CEP43: variants seen among roughly 807,000 people sequenced by gnomAD.
The protein encoded by CEP43 is centrosomal protein 43.
A neutral mutation model predicts 52.6 loss-of-function variants in CEP43; 36 were observed. That is an observed-to-expected ratio of 0.68 (90% CI 0.52 to 0.90). CEP43 has a LOEUF of 0.90. Ranked by LOEUF, CEP43 falls within the 40% of genes least tolerant of loss-of-function variation. The pLI, the probability that CEP43 is intolerant of heterozygous loss-of-function variation, is 0.00. For synonymous variants in CEP43, 192 were observed against 172.4 expected (o/e 1.11, Z -0.89); for missense variants, 506 against 472.8 (o/e 1.07, Z -0.65).
In CEP43 at chr6:167,026,574, A is replaced by T. The variant is rs2128665466; in HGVS notation, c.947A>T (p.Asp316Val). ...ESKRGNTVLK[D>V]LKLISDKIGS... ...AAAAGGGGAAATACAGTTTTGAAAGATCTGAAATTGATCAGTGATAAAATT... is the reference window on the plus strand; with the variant it reads ...AAAAGGGGAAATACAGTTTTGAAAGTTCTGAAATTGATCAGTGATAAAATT... Residue 316 changes from aspartate (D) to valine (V), a missense_variant, in exon 10 of 13, where the codon GAT (aspartate) becomes GTT (valine). By Grantham distance (152) the Asp-to-Val change is radical. Transcript: ENST00000366847. 1 of 1,598,106 alleles carries T rather than the reference A, an allele frequency of 6.3e-7. No individual in the cohort carries two copies. Among genetic ancestry groups the T allele is most frequent in the Non-Finnish European group, 8.6e-7 (1 of 1,165,446 alleles).
At chr6:167,019,114 A>G (rs760605960) in intron 7 of CEP43, among the ~76,000 whole-genome samples, 1 of 152,166 alleles carries the variant, frequency 6.6e-6, no homozygotes, top group Non-Finnish European at 1.5e-5. Context: ...AATAGCCAGC[A>G]TTTTTTGGAT....
At chr6:167,024,990 A>G in intron 9 of CEP43, 96 bp downstream of exon 9, 1 of 711,966 alleles carries the variant, frequency 1.4e-6, no homozygotes, top group Non-Finnish European at 2.4e-6. Flanking sequence ...CAGGAAAATC[A>G]CTAAAATAAC....
chr6:167,019,326 A>G (rs1446646106), intron 7 of CEP43, among the ~76,000 whole-genome samples: 1 of 151,706 alleles, frequency 6.6e-6, no homozygotes, highest in Non-Finnish European at 1.5e-5. Flanking sequence ...ACACGGGTAC[A>G]CCTGCTGTGT....
chr6:167,028,396 G>C (rs1450325204), intron 10 of CEP43: 6 of 985,268 alleles, frequency 6.1e-6, no homozygotes, highest in Non-Finnish European at 7.2e-6. Flanking sequence ...TCTCGGGTTG[G>C]AATTGGGGTA....
chr6:167,023,170 T>C (rs1371279135), intron 8 of CEP43, among the ~76,000 whole-genome samples: 1 of 151,802 alleles, frequency 6.6e-6, no homozygotes, highest in Admixed American at 6.6e-5. Flanking sequence ...GAGTTGGGGG[T>C]AGCAGAGAGA....
At chr6:167,021,096 A>G (rs1357774755) in intron 7 of CEP43, among the ~76,000 whole-genome samples, 1 of 151,486 alleles carries the variant, frequency 6.6e-6, no homozygotes, top group Non-Finnish European at 1.5e-5. Context: ...AGAAAAAAAA[A>G]TGGAGTTAAT....
rs1420880204 is a variant in CEP43 at position 167,051,022 on chromosome 6, G to A, written c.*11044G>A. ...TTTTCAAAGATAGTTTGGTGGGCAG[G>A]GGTTTGTGTACTAAGAAACTAAATG... On this transcript the variant is annotated 3_prime_UTR_variant, in exon 13 of 13. Coordinates refer to ENST00000366847, the MANE Select transcript of CEP43 (RefSeq NM_007045.4). 5 of 151,982 alleles carry A rather than the reference G, an allele frequency of 3.3e-5. No individual in the cohort carries two copies. In the East Asian group the frequency reaches 7.7e-4, roughly 23 times the overall value. The allele number at this position is 151,982 out of a possible 1,614,324, so 9.4% of individuals were successfully genotyped here. A position where few individuals can be genotyped will look rare whatever the true frequency, so the allele number is the denominator to read the frequency against.
rs34578448 is a variant in CEP43 at position 167,041,796 on chromosome 6, C to CT, written c.*1824dup. 5.5e-6 allele frequency: 4 copies of CT among 728,064 alleles called. No homozygotes were observed. The highest frequency in any genetic ancestry group is 4.8e-6 in the Non-Finnish European group (3 of 622,100). 45.1% of individuals were successfully genotyped at this position (728,064 alleles called of 1,614,324 possible). A position where few individuals can be genotyped will look rare whatever the true frequency, so the allele number is the denominator to read the frequency against. On this transcript the variant is annotated 3_prime_UTR_variant, in exon 13 of 13. Transcript: ENST00000366847. ...TAAAAGAAATATGCCAAATATGAAACTTTTTTGTCAGCACTACATACATCT... is the reference window on the plus strand; with the variant it reads ...TAAAAGAAATATGCCAAATATGAAACTTTTTTTGTCAGCACTACATACATCT...
At chr6:167,013,898 G>A (rs1393126547) in intron 7 of CEP43, among the ~76,000 whole-genome samples, 1 of 152,204 alleles carries the variant, frequency 6.6e-6, no homozygotes, top group African/African-American at 2.4e-5. Flanking sequence ...GCTTTAACCC[G>A]GGAAGCGGAG....
intron 7 of CEP43, 112 bp from the exon 8 acceptor site, chr6:167,022,293 CACAA>C: frequency 1.0e-5 from 7 of 677,002 alleles, no homozygotes; most frequent in Non-Finnish European, 1.7e-5. Context: ...CACACACACA[CACAA>C]AGGTTGCACA....
Position 167,048,901 on chromosome 6 carries a change from T to C in CEP43, c.*8923T>C, listed in dbSNP as rs1470560225. 9 of 152,204 alleles carry C rather than the reference T, an allele frequency of 5.9e-5. No individual in the cohort carries two copies. Among genetic ancestry groups the C allele is most frequent in the African/African-American group, 2.2e-4 (9 of 41,450 alleles). The allele number at this position is 152,204 out of a possible 1,614,324, so 9.4% of individuals were successfully genotyped here. On this transcript the variant is annotated 3_prime_UTR_variant, in exon 13 of 13. Coordinates refer to ENST00000366847, the MANE Select transcript of CEP43 (RefSeq NM_007045.4). ...AGAACTTGAAAAAGGTTTCCAGAAA[T>C]GTGACAATTCTAGTACTTTCATGAC... is the stretch of plus-strand genomic sequence containing the variant.
chr6:167,041,844 G>GGGGGCCC lies in CEP43; in HGVS notation c.*1866_*1867insGGGGCCC. On this transcript the variant is annotated 3_prime_UTR_variant, in exon 13 of 13. Coordinates refer to ENST00000366847, the MANE Select transcript of CEP43 (RefSeq NM_007045.4). Reference sequence around the variant, plus strand: ...TCTTTTTTTTGCGGGGGGCGGGGGGGACAGAGTCTCACTGTGTCACTCAGA... The same window carrying GGGGGCCC: ...TCTTTTTTTTGCGGGGGGCGGGGGGGGGGGCCCACAGAGTCTCACTGTGTCACTCAGA... 8 of 144,932 alleles carry GGGGGCCC rather than the reference G, an allele frequency of 5.5e-5. No homozygotes were observed. The highest frequency in any genetic ancestry group is 1.0e-4 in the Non-Finnish European group (8 of 80,402). The allele number at this position is 144,932 out of a possible 1,614,324, so 9.0% of individuals were successfully genotyped here. A position where few individuals can be genotyped will look rare whatever the true frequency, so the allele number is the denominator to read the frequency against.
chr6:167,035,471 G>A (rs1403752872), intron 12 of CEP43, among the ~76,000 whole-genome samples: 1 of 152,136 alleles, frequency 6.6e-6, no homozygotes, highest in African/African-American at 2.4e-5. Context: ...AGATAGCCCA[G>A]TGGAATGGGC....
intron 11 of CEP43, among the ~76,000 whole-genome samples, chr6:167,033,467 A>G (rs2128667427): frequency 6.6e-6 from 1 of 152,290 alleles, no homozygotes; most frequent in South Asian, 2.1e-4. Context: ...TTTGTTGTGG[A>G]TATGATTCGA....
intron 12 of CEP43, among the ~76,000 whole-genome samples, chr6:167,039,429 T>A (rs1339234044): frequency 6.6e-6 from 1 of 152,214 alleles, no homozygotes; most frequent in East Asian, 1.9e-4. Flanking sequence ...GCGCCTGGCC[T>A]ATTTGTTCCT....
rs539834082 is a variant in CEP43, at chr6:167,041,543, C to G, written c.*1565C>G. 59 of 1,051,314 alleles carry G rather than the reference C, an allele frequency of 5.6e-5. No individual in the cohort carries two copies. In the South Asian group the frequency reaches 2.3e-3, roughly 42 times the overall value. The allele number at this position is 1,051,314 out of a possible 1,614,324, so 65.1% of individuals were successfully genotyped here. A position where few individuals can be genotyped will look rare whatever the true frequency, so the allele number is the denominator to read the frequency against. On this transcript the variant is annotated 3_prime_UTR_variant, in exon 13 of 13. Transcript: ENST00000366847. ...AAATGCATTTCTTTGTAAGTCATCT[C>G]TGTAAACAGTCACTTTCTAAAAGCA...
intron 12 of CEP43, among the ~76,000 whole-genome samples, chr6:167,038,061 G>A (rs917515849): frequency 6.6e-6 from 1 of 152,244 alleles, no homozygotes; most frequent in South Asian, 2.1e-4. Flanking sequence ...ATATTCACCC[G>A]TGGTTTTTTC....
intron 7 of CEP43, among the ~76,000 whole-genome samples, chr6:167,015,989 G>C (rs1780089405): frequency 6.6e-6 from 1 of 151,662 alleles, no homozygotes; most frequent in South Asian, 2.1e-4. Context: ...ATTAATACTT[G>C]CTGACTTCCA....
At position 167,032,661 on chromosome 6, in the gene CEP43, C is replaced by A; in HGVS notation, c.1028+19C>A. 2.6e-6 allele frequency: 4 copies of A among 1,551,516 alleles called. No individual in the cohort carries two copies. Among genetic ancestry groups the A allele is most frequent in the Non-Finnish European group, 2.6e-6 (3 of 1,139,180 alleles). On this transcript the variant is annotated intron_variant, in intron 11 of 12. Transcript: ENST00000366847. ...TTAATAGGTAAGAAAAACTATTGGG[C>A]AAATATATAAATATATACGTTATTT... is the stretch of plus-strand genomic sequence containing the variant.
Sources: gnomAD v4.1 joint callset for allele counts (sites outside exome capture counted in the v4.1 genomes callset) on GRCh38, gnomAD v4.1.1 for gene constraint, MANE v1.5 for transcripts, NCBI Gene and HGNC (gene_info 2026-07-23, HGNC 2026-07-21) for gene names.